Variants in SLC26A5 observed in about 807,000 individuals in gnomAD.
The protein encoded by SLC26A5 is prestin.
In SLC26A5, 51 loss-of-function variants were observed where a neutral mutation model predicts 81.0. That is an observed-to-expected ratio of 0.63 (90% CI 0.50 to 0.80). SLC26A5 has a LOEUF of 0.80. Among genes scored for constraint, SLC26A5 ranks in the 30% least tolerant of loss-of-function variants. The pLI is 0.00. For missense variants in SLC26A5, 771 were observed against 905.8 expected, an observed-to-expected ratio of 0.85 and a Z score of 1.91; for synonymous variants, 325 against 332.8, an observed-to-expected ratio of 0.98 and a Z score of 0.25.
intron 8 of SLC26A5, among the ~76,000 whole-genome samples, chr7:103,399,760 C>T (rs1371307056): frequency 1.3e-5 from 2 of 152,100 alleles, no homozygotes; most frequent in East Asian, 3.8e-4. Context: ...GTGATGTTCC[C>T]CTGCCTGTGT....
chr7:103,364,549 A>G (rs1820589860), intron 19 of SLC26A5, among the ~76,000 whole-genome samples: 1 of 152,116 alleles, frequency 6.6e-6, no homozygotes, highest in Non-Finnish European at 1.5e-5. Flanking sequence ...AGCTGAGACC[A>G]TGGCTACATG....
chr7:103,435,682 T>C (rs1826397370), intron 2 of SLC26A5, among the ~76,000 whole-genome samples: 1 of 152,214 alleles, frequency 6.6e-6, no homozygotes, highest in Non-Finnish European at 1.5e-5. Flanking sequence ...ATTAATCTCG[T>C]TGCTCATGCA....
At chr7:103,363,513 T>TGTATATTAGA in intron 19 of SLC26A5, 3 of 1,302,404 alleles carry the variant, frequency 2.3e-6, no homozygotes, top group Non-Finnish European at 3.3e-6. Context: ...TAAAATTGCT[T>TGTATATTAGA]GTATATTAGA....
chr7:103,361,460 A>G (rs1820400931), intron 19 of SLC26A5, among the ~76,000 whole-genome samples: 1 of 150,128 alleles, frequency 6.7e-6, no homozygotes, highest in Non-Finnish European at 1.5e-5. Context: ...CAGTGAGCCA[A>G]GATCACACCA....
Position 103,379,170 on chromosome 7 carries a change from A to G in SLC26A5, c.1677+73T>C. On this transcript the variant is annotated intron_variant, in intron 16 of 19. Transcript: ENST00000306312. Reference sequence around the variant, plus strand: ...AGAATGAAATAGTATATACAAAGGTATACTAGTGATCCTCATATCCCTGTC... The same window carrying G: ...AGAATGAAATAGTATATACAAAGGTGTACTAGTGATCCTCATATCCCTGTC... 6.0e-6 allele frequency: 6 copies of G among 994,216 alleles called. No individual in the cohort carries two copies. The South Asian group carries it at 7.7e-5, about 13-fold the overall frequency. 61.6% of individuals were successfully genotyped at this position (994,216 alleles called of 1,614,324 possible). A position where few individuals can be genotyped will look rare whatever the true frequency, so the allele number is the denominator to read the frequency against.
intron 19 of SLC26A5, among the ~76,000 whole-genome samples, chr7:103,356,154 ATT>A (rs533626972): frequency 1.4e-5 from 2 of 143,384 alleles, no homozygotes; most frequent in Non-Finnish European, 3.1e-5. Flanking sequence ...ACATATCCTG[ATT>A]TTTTTTTTTT....
At chr7:103,362,626 C>T (rs1466822570) in intron 19 of SLC26A5, 12 of 1,510,230 alleles carry the variant, frequency 7.9e-6, no homozygotes, top group Admixed American at 3.4e-5. Flanking sequence ...AAGGACTAAA[C>T]ATAAAAGCAC....
chr7:103,397,540 CAAAAAAAAA>C (rs746669151), intron 9 of SLC26A5, among the ~76,000 whole-genome samples: 215 of 39,854 alleles, frequency 5.4e-3, no homozygotes, highest in African/African-American at 0.022. Context: ...GACTCCATCT[CAAAAAAAAA>C]AAAAAAAAAA....
At chr7:103,407,750 T>G in intron 8 of SLC26A5, 101 bp downstream of exon 8, 1 of 1,366,082 alleles carries the variant, frequency 7.3e-7, no homozygotes, top group Non-Finnish European at 1.0e-6. Context: ...TTTGGCAGAA[T>G]TGAGAGCAAA....
intron 2 of SLC26A5, among the ~76,000 whole-genome samples, chr7:103,428,980 A>C (rs553312017): frequency 6.6e-6 from 1 of 152,138 alleles, no homozygotes; most frequent in African/African-American, 2.4e-5. Flanking sequence ...GTTTCCTTTG[A>C]TTAATTTCTC....
chr7:103,393,084 C>T lies in SLC26A5; in HGVS notation c.972-18G>A, dbSNP rs1234167476. 6.2e-7 allele frequency: 1 copy of T among 1,613,726 alleles called. No homozygotes were observed. Among genetic ancestry groups the T allele is most frequent in the Non-Finnish European group, 8.5e-7 (1 of 1,179,754 alleles). ...GTAGCAGCCTGAAAAGTCAAGCTGC[C>T]TTTAACTTGTGTTGTGACCACAAGG... On this transcript the variant is annotated intron_variant, in intron 9 of 19. Transcript: ENST00000306312.
intron 17 of SLC26A5, 75 bp downstream of exon 17, chr7:103,378,371 C>T (rs1821512551): frequency 7.1e-7 from 1 of 1,415,916 alleles, no homozygotes; most frequent in Non-Finnish European, 1.0e-6. Context: ...TGTGTTTAAA[C>T]TTCAGTCATG....
intron 2 of SLC26A5, among the ~76,000 whole-genome samples, chr7:103,431,553 T>G (rs1196221790): frequency 6.6e-6 from 1 of 152,232 alleles, no homozygotes; most frequent in Non-Finnish European, 1.5e-5. Context: ...CTTGAACTCA[T>G]GGGCTCAAGT....
intron 10 of SLC26A5, 61 bp from the exon 11 acceptor site, chr7:103,391,796 A>C: frequency 7.8e-7 from 1 of 1,288,572 alleles, no homozygotes; most frequent in East Asian, 2.4e-5. Flanking sequence ...AAAAAAGCAT[A>C]ATAGCCCATT....
chr7:103,435,678 C>T (rs1826396566), intron 2 of SLC26A5, among the ~76,000 whole-genome samples: 1 of 152,206 alleles, frequency 6.6e-6, no homozygotes, highest in Admixed American at 6.5e-5. Flanking sequence ...TTCCATTAAT[C>T]TCGTTGCTCA....
intron 8 of SLC26A5, 117 bp downstream of exon 8, chr7:103,407,734 C>A: frequency 8.5e-7 from 1 of 1,174,468 alleles, no homozygotes; most frequent in Non-Finnish European, 1.2e-6. Flanking sequence ...CAAATTGTAA[C>A]CTTCTTTTGG....
chr7:103,420,221 A>G (rs1357455833), intron 4 of SLC26A5, among the ~76,000 whole-genome samples: 2 of 151,084 alleles, frequency 1.3e-5, no homozygotes, highest in Non-Finnish European at 3.0e-5. Flanking sequence ...AAGTGGTAAG[A>G]TAATGCCCAA....
chr7:103,425,985 A>T (rs1586367052), intron 2 of SLC26A5, among the ~76,000 whole-genome samples: 1 of 152,146 alleles, frequency 6.6e-6, no homozygotes, highest in Non-Finnish European at 1.5e-5. Context: ...ACCCTCACCC[A>T]CCCATCCATG....
chr7:103,355,161 A>G (rs758485987), intron 19 of SLC26A5, among the ~76,000 whole-genome samples: 1 of 152,252 alleles, frequency 6.6e-6, no homozygotes, highest in African/African-American at 2.4e-5. Flanking sequence ...AATAAGAAAT[A>G]GTACCATCTT....
Sources: gnomAD v4.1 joint callset for allele counts (sites outside exome capture counted in the v4.1 genomes callset) on GRCh38, gnomAD v4.1.1 for gene constraint, MANE v1.5 for transcripts, NCBI Gene and HGNC (gene_info 2026-07-23, HGNC 2026-07-21) for gene names.